The following MIR2052HG variants were observed in gnomAD, a reference collection of about 807,000 sequenced individuals.
MIR2052HG encodes the protein MIR2052 host gene.
chr8:74,632,117 T>A (rs1416629450), intron 2 of MIR2052HG, among the ~76,000 whole-genome samples: 1 of 152,244 alleles, frequency 6.6e-6, no homozygotes, highest in Admixed American at 6.5e-5. Flanking sequence ...AGCTTAGACA[T>A]CACAACACCT....
intron 2 of MIR2052HG, among the ~76,000 whole-genome samples, chr8:74,639,785 C>T (rs946102816): frequency 7.2e-5 from 11 of 151,884 alleles, no homozygotes; most frequent in African/African-American, 2.7e-4. Flanking sequence ...ATTATTATTT[C>T]ATTATCTTCA....
chr8:74,674,308 C>T (rs1263927820), intron 2 of MIR2052HG, among the ~76,000 whole-genome samples: 3 of 151,634 alleles, frequency 2.0e-5, no homozygotes, highest in Admixed American at 6.6e-5. Context: ...ATAATTGCCA[C>T]CCCCAAGCTA....
chr8:74,602,320 T>TGGCA (rs1351141577), intron 1 of MIR2052HG, among the ~76,000 whole-genome samples: 7 of 152,272 alleles, frequency 4.6e-5, no homozygotes, highest in African/African-American at 1.7e-4. Context: ...GCAAATGCCG[T>TGGCA]GGCAAGGTAT....
intron 2 of MIR2052HG, among the ~76,000 whole-genome samples, chr8:74,614,092 T>C (rs1195917434): frequency 6.6e-6 from 1 of 152,232 alleles, no homozygotes; most frequent in Non-Finnish European, 1.5e-5. Flanking sequence ...TTAAATGTTG[T>C]GATTTTACTC....
intron 2 of MIR2052HG, among the ~76,000 whole-genome samples, chr8:74,691,103 A>G (rs1809235416): frequency 6.6e-6 from 1 of 152,218 alleles, no homozygotes; most frequent in Non-Finnish European, 1.5e-5. Flanking sequence ...AAGTGAGATA[A>G]ATACATGCTA....
At chr8:74,630,610 C>CA (rs1808497066) in intron 2 of MIR2052HG, among the ~76,000 whole-genome samples, 2 of 151,206 alleles carry the variant, frequency 1.3e-5, no homozygotes, top group African/African-American at 4.9e-5. Context: ...AGATAGCTAG[C>CA]AAAAAACATT....
chr8:74,713,669 A>C (rs1356437358), intron 4 of MIR2052HG, among the ~76,000 whole-genome samples: 2 of 152,188 alleles, frequency 1.3e-5, no homozygotes. Context: ...ATTCATGGTT[A>C]GATAGGTTTG....
At chr8:74,729,463 A>C (rs1472682008) in intron 4 of MIR2052HG, among the ~76,000 whole-genome samples, 1 of 152,206 alleles carries the variant, frequency 6.6e-6, no homozygotes, top group Non-Finnish European at 1.5e-5. Context: ...TCTCCTGTTT[A>C]ATTTCAGAGA....
intron 2 of MIR2052HG, among the ~76,000 whole-genome samples, chr8:74,615,332 A>C (rs1267624341): frequency 6.6e-6 from 1 of 152,216 alleles, no homozygotes; most frequent in Non-Finnish European, 1.5e-5. Context: ...TCATCTTCAC[A>C]TGTGAGATCC....
At chr8:74,671,953 A>G (rs1431046824) in intron 2 of MIR2052HG, among the ~76,000 whole-genome samples, 1 of 152,126 alleles carries the variant, frequency 6.6e-6, no homozygotes, top group African/African-American at 2.4e-5. Flanking sequence ...TTTCAAGATG[A>G]CTGTTACTGC....
At chr8:74,725,106 C>T (rs879377779) in intron 4 of MIR2052HG, among the ~76,000 whole-genome samples, 1 of 152,136 alleles carries the variant, frequency 6.6e-6, no homozygotes, top group Admixed American at 6.5e-5. Flanking sequence ...GAAGCTTGCT[C>T]AAACTCCAGA....
intron 2 of MIR2052HG, among the ~76,000 whole-genome samples, chr8:74,660,161 G>C (rs1259587533): frequency 6.6e-6 from 1 of 152,112 alleles, no homozygotes; most frequent in Non-Finnish European, 1.5e-5. Context: ...TTTGCTCATG[G>C]CTCTTCTCGG....
At chr8:74,611,675 C>T (rs370482097) in intron 1 of MIR2052HG, among the ~76,000 whole-genome samples, 4 of 152,098 alleles carry the variant, frequency 2.6e-5, no homozygotes, top group East Asian at 1.9e-4. Context: ...AAGGACACTA[C>T]GAACAAAATG....
intron 2 of MIR2052HG, among the ~76,000 whole-genome samples, chr8:74,670,275 TAAC>T (rs1218390277): frequency 1.5e-5 from 2 of 136,886 alleles, no homozygotes; most frequent in Non-Finnish European, 3.1e-5. Flanking sequence ...ACAGTGCACT[TAAC>T]AAAAATATAT....
rs78565833 is a variant in MIR2052HG, at chr8:74,685,483, T to G, written n.217-16896T>G. 5.5e-3 allele frequency among the ~76,000 whole-genome samples: 833 copies of G among 152,248 alleles called. 9 individuals are homozygous for G. The highest frequency in any genetic ancestry group is 0.018 in the African/African-American group (755 of 41,564). On this transcript the variant is annotated intron_variant and non_coding_transcript_variant, in intron 2 of 6. Coordinates refer to ENST00000523442, the Ensembl canonical transcript of MIR2052HG. Reference sequence around the variant, plus strand: ...TCCTTTGAAAATGTTCACAACCATGTGTGGTTGGAATCTGGCATTTATCTT... The same window carrying G: ...TCCTTTGAAAATGTTCACAACCATGGGTGGTTGGAATCTGGCATTTATCTT...
chr8:74,721,709 G>A (rs560341882), intron 4 of MIR2052HG, among the ~76,000 whole-genome samples: 1 of 152,362 alleles, frequency 6.6e-6, no homozygotes, highest in East Asian at 1.9e-4. Flanking sequence ...AACTGGCATA[G>A]TGTCATCTCT....
intron 2 of MIR2052HG, among the ~76,000 whole-genome samples, chr8:74,647,175 C>T (rs1586902415): frequency 6.6e-6 from 1 of 152,106 alleles, no homozygotes; most frequent in South Asian, 2.1e-4. Context: ...CAATATATGG[C>T]CTTTCTGTCT....
rs147178519 is a variant in MIR2052HG at position 74,719,995 on chromosome 8, T to C, written n.371+16313T>C. Among the ~76,000 whole-genome samples the C allele has an allele frequency of 1.1e-3, 166 of 151,816 alleles. 6 individuals carry two copies. In the East Asian group the frequency reaches 0.024, roughly 22 times the overall value. On this transcript the variant is annotated intron_variant and non_coding_transcript_variant, in intron 4 of 6. Coordinates refer to ENST00000523442, the Ensembl canonical transcript of MIR2052HG. ...TCCCGAGTAGCTGGGACTACACGTG[T>C]GTGCTGCCATGCCCGGCTAATTTGT...
chr8:74,690,307 G>C (rs1011904650), intron 2 of MIR2052HG, among the ~76,000 whole-genome samples: 8 of 152,120 alleles, frequency 5.3e-5, no homozygotes, highest in Admixed American at 2.0e-4. Flanking sequence ...TGTCATCTGA[G>C]GTCAGTTCTT....
Sources: allele counts gnomAD v4.1 joint callset (sites outside exome capture counted in the v4.1 genomes callset), GRCh38; gene constraint gnomAD v4.1.1; transcripts MANE v1.5; gene names NCBI Gene and HGNC (gene_info 2026-07-23, HGNC 2026-07-21).